The following TCF7L2 variants were observed in gnomAD, a reference collection of about 807,000 sequenced individuals.
TCF7L2 encodes transcription factor 7-like 2.
Under a neutral mutation model 77.9 loss-of-function variants are expected in TCF7L2, and 23 were observed. That is an observed-to-expected ratio of 0.30 (90% CI 0.21 to 0.42). The LOEUF (loss-of-function observed/expected upper bound fraction) is 0.42, where lower values mean the gene tolerates loss of function less well. TCF7L2 is among the 10% of genes least tolerant of loss of function. The pLI is 1.00. For synonymous variants in TCF7L2, 413 were observed against 340.2 expected, an observed-to-expected ratio of 1.21 and a Z score of -2.36; for missense variants, 654 against 793.1, an observed-to-expected ratio of 0.82 and a Z score of 2.11.
At chr10:112,956,312 A>G (rs979938791) in intron 3 of TCF7L2, among the ~76,000 whole-genome samples, 1 of 150,496 alleles carries the variant, frequency 6.6e-6, no homozygotes, top group Non-Finnish European at 1.5e-5. Context: ...TATTGGGGGA[A>G]GGGAGGAGAT....
intron 4 of TCF7L2, among the ~76,000 whole-genome samples, chr10:112,986,230 G>A (rs972700835): frequency 4.6e-5 from 7 of 152,054 alleles, no homozygotes; most frequent in Non-Finnish European, 5.9e-5. Context: ...TTTTGAGCTT[G>A]CATGGGGGGA....
At chr10:113,057,231 G>C (rs1258154216) in intron 5 of TCF7L2, among the ~76,000 whole-genome samples, 1 of 152,152 alleles carries the variant, frequency 6.6e-6, no homozygotes, top group East Asian at 1.9e-4. Flanking sequence ...AAGACAGGCT[G>C]GGAATATATA....
rs142654274 is a variant in TCF7L2 at position 113,105,012 on chromosome 10, G to A, written c.553-36172G>A. On this transcript the variant is annotated intron_variant, in intron 5 of 13. Transcript: ENST00000627217. ...AGAAGGGAAGATTGTGACAATAACT[G>A]TTGCAAAGGCCATTAACTTGACTTT... Among the ~76,000 whole-genome samples the A allele has an allele frequency of 3.6e-3, 543 of 152,308 alleles. 5 individuals are homozygous for A. Among genetic ancestry groups the A allele is most frequent in the African/African-American group, 0.013 (522 of 41,580 alleles).
At chr10:113,116,864 C>G (rs2063793441) in intron 5 of TCF7L2, among the ~76,000 whole-genome samples, 1 of 152,086 alleles carries the variant, frequency 6.6e-6, no homozygotes, top group African/African-American at 2.4e-5. Context: ...TTCTCAAATG[C>G]AAGTGTAAAG....
intron 4 of TCF7L2, among the ~76,000 whole-genome samples, chr10:113,025,218 A>ATTTTTTTTTTTTT (rs35779425): frequency 1.0e-5 from 1 of 98,980 alleles, no homozygotes; most frequent in Admixed American, 1.1e-4. Context: ...CTGTGACTGG[A>ATTTTTTTTTTTTT]TTTTTTTTTT....
chr10:112,964,662 A>G (rs2036083410), intron 4 of TCF7L2, 38 bp downstream of exon 4: 1 of 1,563,826 alleles, frequency 6.4e-7, no homozygotes, highest in Non-Finnish European at 8.8e-7. Context: ...TGAATTGTCT[A>G]TATGTAGGTC....
chr10:112,967,900 G>T (rs2037365281), intron 4 of TCF7L2, among the ~76,000 whole-genome samples: 1 of 152,206 alleles, frequency 6.6e-6, no homozygotes, highest in Admixed American at 6.5e-5. Context: ...CTCCCAAAGT[G>T]CTGGGATTAC....
At chr10:113,073,129 T>TGTGTGTGTGTAAGA (rs56927661) in intron 5 of TCF7L2, among the ~76,000 whole-genome samples, 1 of 123,484 alleles carries the variant, frequency 8.1e-6, no homozygotes, top group South Asian at 3.1e-4. Context: ...TGTGTGTGTG[T>TGTGTGTGTGTAAGA]GAGAGAGAGA....
At chr10:113,131,431 G>A (rs2066585157) in intron 5 of TCF7L2, among the ~76,000 whole-genome samples, 1 of 152,154 alleles carries the variant, frequency 6.6e-6, no homozygotes, top group Admixed American at 6.5e-5. Flanking sequence ...TGAAGAGAGT[G>A]GAGGCTGTGT....
chr10:113,027,661 C>T (rs563858348), intron 4 of TCF7L2, among the ~76,000 whole-genome samples: 2 of 152,190 alleles, frequency 1.3e-5, no homozygotes, highest in Non-Finnish European at 2.9e-5. Context: ...CGAAATATCT[C>T]CTGGTAGTTT....
intron 5 of TCF7L2, among the ~76,000 whole-genome samples, chr10:113,087,006 GA>G (rs368848519): frequency 0.024 from 3,518 of 147,478 alleles, 141 homozygotes; most frequent in African/African-American, 0.084. Flanking sequence ...ACACACACAA[GA>G]AAAAAAAAAG....
intron 4 of TCF7L2, among the ~76,000 whole-genome samples, chr10:112,975,626 C>T (rs1053855126): frequency 2.6e-5 from 4 of 152,122 alleles, no homozygotes; most frequent in African/African-American, 4.8e-5. Context: ...GGATTATAGG[C>T]GTGCACCACC....
intron 4 of TCF7L2, among the ~76,000 whole-genome samples, chr10:113,036,750 C>G (rs539226568): frequency 1.3e-5 from 2 of 152,156 alleles, no homozygotes; most frequent in African/African-American, 4.8e-5. Flanking sequence ...GGAATTCCCA[C>G]AGCCCCATTT....
At chr10:113,054,015 T>C (rs1267107561) in intron 5 of TCF7L2, among the ~76,000 whole-genome samples, 1 of 152,214 alleles carries the variant, frequency 6.6e-6, no homozygotes, top group Non-Finnish European at 1.5e-5. Context: ...GAGGCAGGTT[T>C]CCGGACACCA....
chr10:113,053,037 T>C (rs1367832979), intron 5 of TCF7L2, among the ~76,000 whole-genome samples: 3 of 152,206 alleles, frequency 2.0e-5, no homozygotes, highest in African/African-American at 4.8e-5. Context: ...TCTGCTACAC[T>C]GTGAGTTCAA....
intron 4 of TCF7L2, among the ~76,000 whole-genome samples, chr10:113,037,371 G>A (rs1303941775): frequency 6.6e-6 from 1 of 152,152 alleles, no homozygotes; most frequent in Non-Finnish European, 1.5e-5. Flanking sequence ...GCAGGACCAG[G>A]GCTGTCTTCC....
At chr10:113,078,555 T>G (rs1443679119) in intron 5 of TCF7L2, among the ~76,000 whole-genome samples, 2 of 152,148 alleles carry the variant, frequency 1.3e-5, no homozygotes, top group Non-Finnish European at 2.9e-5. Context: ...TTAAAAAATT[T>G]TTTTTGCAGA....
chr10:113,064,182 T>C (rs780646688), intron 5 of TCF7L2, among the ~76,000 whole-genome samples: 14 of 152,176 alleles, frequency 9.2e-5, no homozygotes, highest in Non-Finnish European at 1.8e-4. Flanking sequence ...ATTTTCTTGC[T>C]TGAGGTGTTT....
At chr10:113,018,523 C>T (rs577788584) in intron 4 of TCF7L2, among the ~76,000 whole-genome samples, 1 of 147,828 alleles carries the variant, frequency 6.8e-6, no homozygotes, top group Non-Finnish European at 1.5e-5. Flanking sequence ...TCTCGGCTCA[C>T]TGCAACCGCT....
Sources: allele counts gnomAD v4.1 joint callset (sites outside exome capture counted in the v4.1 genomes callset), GRCh38; gene constraint gnomAD v4.1.1; transcripts MANE v1.5; gene names NCBI Gene and HGNC (gene_info 2026-07-23, HGNC 2026-07-21).